The following COL5A2 variants were observed in gnomAD, a reference collection of about 807,000 sequenced individuals.
COL5A2 encodes the protein collagen type V alpha 2 chain.
In COL5A2, 23 loss-of-function variants were observed where a neutral mutation model predicts 208.2. The observed-to-expected ratio is 0.11, with a 90% CI of 0.08 to 0.16. The LOEUF (loss-of-function observed/expected upper bound fraction) is 0.16. Among genes scored for constraint, COL5A2 ranks in the 10% least tolerant of loss-of-function variants. The pLI is 1.00. For missense variants in COL5A2, 1,590 were observed against 1,956.4 expected (o/e 0.81, Z 3.53); for synonymous variants, 625 against 628.5 (o/e 0.99, Z 0.08).
intron 53 of COL5A2, 24 bp from the exon 54 acceptor site, chr2:189,034,240 T>C: frequency 6.2e-7 from 1 of 1,613,576 alleles, no homozygotes. Flanking sequence ...ATGCAATGGG[T>C]TAAATGTACA....
chr2:189,395,898 CAAAAAAAAAAAAAAAAAAAAA>C, the COL5A2 span, among the ~76,000 whole-genome samples: 1 of 53,210 alleles, frequency 1.9e-5, no homozygotes, highest in Non-Finnish European at 3.1e-5. Context: ...GGACACATCT[CAAAAAAAAAAAAAAAAAAAAA>C]AAAAAAAAAG....
chr2:189,372,433 C>G, the COL5A2 span, among the ~76,000 whole-genome samples: 5 of 152,028 alleles, frequency 3.3e-5, no homozygotes, highest in African/African-American at 4.8e-5. Flanking sequence ...TAGTTAAAAT[C>G]CATTTACAGA....
the COL5A2 span, among the ~76,000 whole-genome samples, chr2:189,319,525 G>C: frequency 6.6e-6 from 1 of 152,250 alleles, no homozygotes; most frequent in African/African-American, 2.4e-5. Context: ...TATATCCCGT[G>C]CCTGGCTCGG....
At chr2:189,342,402 T>G in the COL5A2 span, among the ~76,000 whole-genome samples, 1 of 123,698 alleles carries the variant, frequency 8.1e-6, no homozygotes, top group Non-Finnish European at 1.9e-5. Flanking sequence ...TGTTATATAT[T>G]TATTTGCTAT....
At chr2:189,309,837 C>A in the COL5A2 span, among the ~76,000 whole-genome samples, 2 of 152,180 alleles carry the variant, frequency 1.3e-5, no homozygotes, top group Admixed American at 1.3e-4. Context: ...AGTTCATAAG[C>A]ACAGAGAAAG....
intron 11 of COL5A2, 111 bp downstream of exon 11, chr2:189,085,049 A>T (rs2105648383): frequency 1.1e-6 from 1 of 869,864 alleles, no homozygotes; most frequent in East Asian, 2.7e-5. Context: ...ATTTAATGCA[A>T]GCTAAAAGGG....
At chr2:189,226,178 TA>T (rs1425657525), upstream of COL5A2, among the ~76,000 whole-genome samples, 1 of 152,104 alleles carries the variant, frequency 6.6e-6, no homozygotes, top group Admixed American at 6.6e-5. Flanking sequence ...CTACTACAGA[TA>T]AAAATGATAG....
At chr2:189,129,900 T>C (rs1700416304) in intron 1 of COL5A2, among the ~76,000 whole-genome samples, 1 of 152,090 alleles carries the variant, frequency 6.6e-6, no homozygotes, top group South Asian at 2.1e-4. Flanking sequence ...AGTTATAAAT[T>C]ATATGAGCAT....
chr2:189,265,752 T>A, the COL5A2 span, among the ~76,000 whole-genome samples: 1 of 152,066 alleles, frequency 6.6e-6, no homozygotes, highest in Admixed American at 6.6e-5. Flanking sequence ...CACCAGGAAA[T>A]CAAAATCACA....
chr2:189,072,526 C>T (rs1258917265), intron 17 of COL5A2, among the ~76,000 whole-genome samples: 3 of 152,112 alleles, frequency 2.0e-5, no homozygotes, highest in Non-Finnish European at 4.4e-5. Flanking sequence ...AATCCCAGCA[C>T]TTTGGGAGGC....
chr2:189,349,708 A>G, the COL5A2 span, among the ~76,000 whole-genome samples: 3 of 152,190 alleles, frequency 2.0e-5, no homozygotes, highest in Non-Finnish European at 2.9e-5. Flanking sequence ...CAGGTAAAGT[A>G]GAAAACAAAC....
the COL5A2 span, among the ~76,000 whole-genome samples, chr2:189,255,261 T>C: frequency 5.9e-5 from 9 of 152,232 alleles, no homozygotes; most frequent in African/African-American, 1.9e-4. Context: ...AATTCAAATA[T>C]AAATTTCATG....
the COL5A2 span, among the ~76,000 whole-genome samples, chr2:189,430,863 C>T: frequency 1.3e-5 from 2 of 152,210 alleles, no homozygotes; most frequent in African/African-American, 2.4e-5. Flanking sequence ...AGACAGACTG[C>T]CTCCTCAAGT....
At chr2:189,186,858 AT>A (rs1314841112) in intron 1 of COL5A2, among the ~76,000 whole-genome samples, 2 of 152,232 alleles carry the variant, frequency 1.3e-5, no homozygotes, top group East Asian at 3.8e-4. Context: ...TGCTGAAAAT[AT>A]ATCTTTAACA....
chr2:189,056,948 C>T (rs370900113), intron 35 of COL5A2, 25 bp downstream of exon 35: 165 of 1,612,372 alleles, frequency 1.0e-4, no homozygotes, highest in Non-Finnish European at 1.3e-4. Context: ...CCTAGCCCAG[C>T]TAGAAAAGGA....
At chr2:189,198,209 A>G (rs1440662360) in intron 1 of COL5A2, among the ~76,000 whole-genome samples, 2 of 152,174 alleles carry the variant, frequency 1.3e-5, no homozygotes, top group Admixed American at 1.3e-4. Context: ...ATGCTGGGAG[A>G]ATGAATGCAT....
the COL5A2 span, among the ~76,000 whole-genome samples, chr2:189,338,628 A>C: frequency 6.6e-6 from 1 of 151,358 alleles, no homozygotes; most frequent in Non-Finnish European, 1.5e-5. Context: ...GATAATAACT[A>C]TAAAGATATG....
intron 1 of COL5A2, among the ~76,000 whole-genome samples, chr2:189,118,950 A>C (rs1687448779): frequency 6.6e-6 from 1 of 152,124 alleles, no homozygotes; most frequent in Admixed American, 6.6e-5. Flanking sequence ...TTTAAAAAAA[A>C]AACTGTAATT....
At chr2:189,282,596 C>T in the COL5A2 span, among the ~76,000 whole-genome samples, 3 of 152,182 alleles carry the variant, frequency 2.0e-5, no homozygotes, top group Non-Finnish European at 1.5e-5. Flanking sequence ...AGAGGACACA[C>T]TAACACTAAG....
Sources: allele counts gnomAD v4.1 joint callset (sites outside exome capture counted in the v4.1 genomes callset), GRCh38; gene constraint gnomAD v4.1.1; transcripts MANE v1.5; gene names NCBI Gene and HGNC (gene_info 2026-07-23, HGNC 2026-07-21).